The following LIPJ variants were observed in gnomAD, a reference collection of about 807,000 sequenced individuals.
The protein encoded by LIPJ is lipase member J.
A neutral mutation model predicts 39.8 loss-of-function variants in LIPJ; 33 were observed. The observed-to-expected ratio is 0.83, with a 90% CI of 0.63 to 1.11. The LOEUF is 1.11. Ranked by LOEUF, LIPJ falls within the 50% of genes least tolerant of loss-of-function variation. The pLI, the probability that LIPJ is intolerant of heterozygous loss-of-function variation, is 0.00. For synonymous variants in LIPJ, 128 were observed against 139.2 expected, an observed-to-expected ratio of 0.92 and a Z score of 0.57; for missense variants, 422 against 427.9, an observed-to-expected ratio of 0.99 and a Z score of 0.12.
chr10:88,588,760 C>T (rs904313414), intron 2 of LIPJ, among the ~76,000 whole-genome samples: 1 of 151,832 alleles, frequency 6.6e-6, no homozygotes, highest in Non-Finnish European at 1.5e-5. Flanking sequence ...ATTAATTTAA[C>T]TAAAATAAAA....
intron 8 of LIPJ, among the ~76,000 whole-genome samples, chr10:88,597,216 T>C (rs1590081538): frequency 6.6e-6 from 1 of 151,788 alleles, no homozygotes; most frequent in East Asian, 1.9e-4. Flanking sequence ...TATTGGGTAT[T>C]AGTTTCCTGA....
At chr10:88,598,445 T>G (rs1398228019) in intron 8 of LIPJ, among the ~76,000 whole-genome samples, 1 of 152,062 alleles carries the variant, frequency 6.6e-6, no homozygotes, top group Non-Finnish European at 1.5e-5. Context: ...AACCAAAGTT[T>G]TGACCTTGTC....
At chr10:88,588,464 G>C (rs1021852420) in intron 2 of LIPJ, among the ~76,000 whole-genome samples, 6 of 151,820 alleles carry the variant, frequency 4.0e-5, no homozygotes, top group Non-Finnish European at 8.9e-5. Context: ...TTAGAAAAAT[G>C]TGTAAATCAT....
chr10:88,618,208 A>C, the LIPJ span: 1 of 152,126 alleles, frequency 6.6e-6, no homozygotes, highest in African/African-American at 2.4e-5. Context: ...AACAATAATC[A>C]TGGTAGATAC....
downstream of LIPJ, among the ~76,000 whole-genome samples, chr10:88,608,625 T>C (rs913949371): frequency 2.0e-5 from 3 of 152,210 alleles, no homozygotes; most frequent in Admixed American, 1.3e-4. Flanking sequence ...ATTTGCTGCA[T>C]TGGAGAATTA....
At chr10:88,595,484 C>G (rs550666202) in intron 6 of LIPJ, among the ~76,000 whole-genome samples, 4 of 151,700 alleles carry the variant, frequency 2.6e-5, no homozygotes, top group Admixed American at 2.0e-4. Context: ...TGTTGAGTAA[C>G]AATCTAATCC....
chr10:88,602,544 A>T, intron 8 of LIPJ, 32 bp from the exon 9 acceptor site: 1 of 1,455,160 alleles, frequency 6.9e-7, no homozygotes, highest in Non-Finnish European at 9.4e-7. Flanking sequence ...AACTTATATA[A>T]AAATGCTTTT....
downstream of LIPJ, among the ~76,000 whole-genome samples, chr10:88,607,558 C>T (rs1227709017): frequency 6.6e-6 from 1 of 152,166 alleles, no homozygotes; most frequent in South Asian, 2.1e-4. Context: ...GTAACTAGAT[C>T]TGAGGCTGGA....
chr10:88,596,917 A>C (rs759599010), exon 8 of LIPJ: 2 of 1,536,056 alleles, frequency 1.3e-6, no homozygotes, highest in Non-Finnish European at 8.9e-7. Context: ...TTTGGATATG[A>C]CCCAAAAAAC....
At chr10:88,602,054 A>T (rs1249885451) in intron 8 of LIPJ, among the ~76,000 whole-genome samples, 1 of 152,034 alleles carries the variant, frequency 6.6e-6, no homozygotes, top group Non-Finnish European at 1.5e-5. Context: ...CCTTATGGAG[A>T]GTGTTTCTTT....
chr10:88,593,326 T>C (rs1012407276), intron 4 of LIPJ: 2 of 151,858 alleles, frequency 1.3e-5, no homozygotes, highest in African/African-American at 2.4e-5. Context: ...AATGGGTTAC[T>C]AGGAGTCATG....
At chr10:88,583,113 A>G, upstream of LIPJ, 1 of 1,614,112 alleles carries the variant, frequency 6.2e-7, no homozygotes, top group Non-Finnish European at 8.5e-7. Context: ...GGTACAAGGG[A>G]CCGGACGTCT....
chr10:88,609,043 C>G (rs1851720190), downstream of LIPJ, among the ~76,000 whole-genome samples: 3 of 152,186 alleles, frequency 2.0e-5, no homozygotes, highest in African/African-American at 7.2e-5. Flanking sequence ...CTTGTTCAGG[C>G]CTGCTCCCCC....
downstream of LIPJ, among the ~76,000 whole-genome samples, chr10:88,610,580 A>T (rs1469946337): frequency 1.3e-5 from 2 of 152,168 alleles, no homozygotes; most frequent in Admixed American, 6.5e-5. Flanking sequence ...ATAAAATTAC[A>T]ATTGCCAAAA....
At chr10:88,594,681 C>A (rs200553060) in exon 6 of LIPJ, 3 of 1,520,550 alleles carry the variant, frequency 2.0e-6, no homozygotes, top group East Asian at 4.8e-5. Context: ...GATGAGATGG[C>A]AAAATATGAC....
chr10:88,589,222 A>G (rs1421751015), intron 2 of LIPJ, among the ~76,000 whole-genome samples: 1 of 151,910 alleles, frequency 6.6e-6, no homozygotes, highest in African/African-American at 2.4e-5. Context: ...AATACATTGT[A>G]CAGACAGAGA....
chr10:88,596,564 G>A (rs980082893), intron 7 of LIPJ, 148 bp downstream of exon 7: 4 of 946,948 alleles, frequency 4.2e-6, no homozygotes, highest in Middle Eastern at 3.1e-4. Flanking sequence ...TTTTGTTTCT[G>A]CAAAGGAATA....
intron 8 of LIPJ, among the ~76,000 whole-genome samples, chr10:88,602,203 C>T (rs1851508067): frequency 6.6e-6 from 1 of 151,922 alleles, no homozygotes; most frequent in Non-Finnish European, 1.5e-5. Context: ...CTTTGCTTGT[C>T]TTTGGGGGTT....
chr10:88,601,463 TG>T, intron 8 of LIPJ, among the ~76,000 whole-genome samples: 1 of 152,336 alleles, frequency 6.6e-6, no homozygotes, highest in South Asian at 2.1e-4. Context: ...CTACTTCTCC[TG>T]GTAATCTATG....
Sources: allele counts gnomAD v4.1 joint callset (sites outside exome capture counted in the v4.1 genomes callset), GRCh38; gene constraint gnomAD v4.1.1; transcripts MANE v1.5; gene names NCBI Gene and HGNC (gene_info 2026-07-23, HGNC 2026-07-21).